Variants in RYR3 observed in about 807,000 individuals in gnomAD.
RYR3 encodes ryanodine receptor 3.
RYR3 carries 207 observed loss-of-function variants against 584.3 expected under a neutral mutation model. The observed-to-expected ratio is 0.35, with a 90% CI of 0.32 to 0.40. The LOEUF is 0.40. Among genes scored for constraint, RYR3 ranks in the 10% least tolerant of loss-of-function variants. The probability of loss-of-function intolerance (pLI) is 1.00; values close to 1 mark genes in which losing one functional copy is unlikely to be tolerated. For missense variants in RYR3, 5,616 were observed against 6,089.2 expected, an observed-to-expected ratio of 0.92 and a Z score of 2.59; for synonymous variants, 2,416 against 2,248.5, an observed-to-expected ratio of 1.07 and a Z score of -2.11.
At chr15:33,576,718 G>A (rs1190179373) in intron 12 of RYR3, among the ~76,000 whole-genome samples, 1 of 152,202 alleles carries the variant, frequency 6.6e-6, no homozygotes, top group Non-Finnish European at 1.5e-5. Context: ...AGACAAGGAT[G>A]TCCTTTCTCA....
intron 60 of RYR3, among the ~76,000 whole-genome samples, chr15:33,763,892 C>CAAAAAAAAAAAAAAAA (rs796878162): frequency 2.2e-5 from 1 of 45,870 alleles, no homozygotes; most frequent in African/African-American, 9.0e-5. Flanking sequence ...GACTTCATCT[C>CAAAAAAAAAAAAAAAA]AAAAAAAAAA....
rs980204714 is a variant in RYR3, at chr15:33,455,503, G to A, written c.52-17916G>A. On this transcript the variant is annotated intron_variant, in intron 1 of 103. Coordinates refer to ENST00000634891, the MANE Select transcript of RYR3 (RefSeq NM_001036.6). Reference sequence around the variant, plus strand: ...GAAGCTTTTCAGGAGAGGAGTACGTGCCTTAAAGGCCAAAAGAAAAGATGG... The same window carrying A: ...GAAGCTTTTCAGGAGAGGAGTACGTACCTTAAAGGCCAAAAGAAAAGATGG... 7.0e-5 allele frequency among the ~76,000 whole-genome samples: 10 copies of A among 143,206 alleles called. No homozygotes were observed. In the Admixed American group the frequency reaches 7.4e-4, roughly 11 times the overall value. The allele number at this position is 143,206 out of a possible 152,430, so 93.9% of individuals were successfully genotyped here.
chr15:33,865,717 C>CAGTT lies in RYR3; in HGVS notation c.*493_*496dup. 6.5e-6 allele frequency: 1 copy of CAGTT among 153,856 alleles called. No homozygotes were observed. Among genetic ancestry groups the CAGTT allele is most frequent in the South Asian group, 2.1e-4 (1 of 4,878 alleles). The allele number at this position is 153,856 out of a possible 1,614,324, so 9.5% of individuals were successfully genotyped here. ...TGACTGTATCCAGAAAAGCTTTAAG[C>CAGTT]AGTTAAAGAAACAGAAAAAAACCGA... On this transcript the variant is annotated 3_prime_UTR_variant, in exon 104 of 104. Transcript: ENST00000634891.
At chr15:33,752,519 T>C (rs780923969) in intron 57 of RYR3, among the ~76,000 whole-genome samples, 3 of 152,234 alleles carry the variant, frequency 2.0e-5, no homozygotes, top group Non-Finnish European at 4.4e-5. Context: ...ACTCGTGATT[T>C]GGCTCTCTGT....
intron 18 of RYR3, among the ~76,000 whole-genome samples, chr15:33,606,956 A>G (rs2059938906): frequency 6.6e-6 from 1 of 152,122 alleles, no homozygotes; most frequent in Non-Finnish European, 1.5e-5. Context: ...CCTCAAGATA[A>G]TTTACCTCTG....
chr15:33,840,515 T>C (rs1472273590), intron 89 of RYR3: 3 of 370,476 alleles, frequency 8.1e-6, no homozygotes, highest in Non-Finnish European at 9.7e-6. Flanking sequence ...GTCCCATGTC[T>C]TTCTGACCCT....
At chr15:33,555,410 A>C (rs1322965446) in intron 10 of RYR3, among the ~76,000 whole-genome samples, 4 of 152,222 alleles carry the variant, frequency 2.6e-5, no homozygotes, top group African/African-American at 4.8e-5. Context: ...ATGCCTGAAG[A>C]CAACATCACT....
chr15:33,660,298 C>T lies in RYR3; in HGVS notation c.4497C>T (p.Leu1499=), dbSNP rs1285547162. Residue 1499 remains leucine, a synonymous_variant, in exon 34 of 104, where the codon CTC becomes CTT. Transcript: ENST00000634891. ...ACGTCCAAACCATCCAGCCCGTGCT[C>T]TGGAGCCGCATGCCCAACAGCTTCC... ...RLDVQTIQPV[L]WSRMPNSFLK... 3.2e-6 allele frequency: 5 copies of T among 1,572,846 alleles called. No individual in the cohort carries two copies. The Admixed American group carries it at 9.3e-5, about 29-fold the overall frequency.
Position 33,662,256 on chromosome 15 carries a change from G to C in RYR3, c.4726G>C (p.Val1576Leu), listed in dbSNP as rs756696001. 1 of 1,610,000 alleles carries C rather than the reference G, an allele frequency of 6.2e-7. No homozygotes were observed. Among genetic ancestry groups the C allele is most frequent in the East Asian group, 2.2e-5 (1 of 44,766 alleles). Residue 1576 changes from valine to leucine, a missense_variant, in exon 35 of 104, where the codon GTG becomes CTG. Transcript: ENST00000634891. ...GGTGTGCGCCCTGGGAAACAGCCGC[G>C]TGGCCTACGCCCTGTGCAGCCACGT... ...SAVCALGNSRVAYALCSHVDL... is the reference protein window; with the variant it reads ...SAVCALGNSRLAYALCSHVDL...
At chr15:33,702,949 G>A (rs2066415347) in intron 42 of RYR3, among the ~76,000 whole-genome samples, 1 of 152,084 alleles carries the variant, frequency 6.6e-6, no homozygotes, top group Non-Finnish European at 1.5e-5. Context: ...GCTCAAAGAA[G>A]ACAGGGTGAG....
chr15:33,864,349 C>T (rs1257276486), intron 103 of RYR3, among the ~76,000 whole-genome samples, 160 bp downstream of exon 103: 1 of 152,198 alleles, frequency 6.6e-6, no homozygotes, highest in African/African-American at 2.4e-5. Flanking sequence ...CCAAAGTCCT[C>T]CTGTTTATCC....
chr15:33,528,029 G>C (rs2054539927), intron 3 of RYR3, among the ~76,000 whole-genome samples: 1 of 152,148 alleles, frequency 6.6e-6, no homozygotes, highest in Non-Finnish European at 1.5e-5. Context: ...AAGATTTCTG[G>C]TCTGCTCACC....
At chr15:33,827,392 T>C in intron 85 of RYR3, 105 bp downstream of exon 85, 1 of 1,017,964 alleles carries the variant, frequency 9.8e-7, no homozygotes. Flanking sequence ...CAAGCCCCTA[T>C]AAGGAAGGCG....
Position 33,572,655 on chromosome 15 carries a change from A to AAC in RYR3, c.1268+5856_1268+5857insAC, listed in dbSNP as rs1249936651. 1.6e-3 allele frequency among the ~76,000 whole-genome samples: 211 copies of AAC among 129,690 alleles called. 13 individuals carry two copies. Among genetic ancestry groups the AAC allele is most frequent in the East Asian group, 0.015 (73 of 4,756 alleles). 85.1% of individuals were successfully genotyped at this position (129,690 alleles called of 152,430 possible). ...CATTAAATTAAAAAAAAAAAACTAT[A>AAC]TATACACACACACACACACACACAC... On this transcript the variant is annotated intron_variant, in intron 12 of 103. Coordinates refer to ENST00000634891, the MANE Select transcript of RYR3 (RefSeq NM_001036.6).
chr15:33,643,836 A>C (rs2061959125), intron 27 of RYR3, among the ~76,000 whole-genome samples: 1 of 152,226 alleles, frequency 6.6e-6, no homozygotes, highest in Non-Finnish European at 1.5e-5. Context: ...GCAGCAAGAT[A>C]ACATATTCAT....
At chr15:33,492,906 T>C (rs2051095229) in intron 2 of RYR3, among the ~76,000 whole-genome samples, 1 of 152,188 alleles carries the variant, frequency 6.6e-6, no homozygotes, top group Non-Finnish European at 1.5e-5. Flanking sequence ...TCTCCCATCC[T>C]GCAGCTGCTG....
At position 33,580,077 on chromosome 15, in the gene RYR3, T is replaced by C; in HGVS notation, c.1370T>C (p.Met457Thr). 6.2e-7 allele frequency: 1 copy of C among 1,613,624 alleles called. No individual in the cohort carries two copies. Among genetic ancestry groups the C allele is most frequent in the Non-Finnish European group, 8.5e-7 (1 of 1,179,740 alleles). Residue 457 changes from methionine (M) to threonine (T), a missense_variant, in exon 13 of 104, where the codon ATG becomes ACG. By Grantham distance (81) the Met-to-Thr change is moderately conservative. Coordinates refer to ENST00000634891, the MANE Select transcript of RYR3 (RefSeq NM_001036.6). ...TACTTCCAGCCCCCAGAGGAGGAGA[T>C]GCGACATGAAGACAAGCAGAACAAG... ...IAYFQPPEEE[M>T]RHEDKQNKLR...
intron 1 of RYR3, among the ~76,000 whole-genome samples, chr15:33,438,836 C>A (rs113751259): frequency 0.011 from 1,609 of 152,262 alleles, 24 homozygotes; most frequent in Admixed American, 0.027. Flanking sequence ...TTATTATTTA[C>A]ATCACAAAAA....
intron 10 of RYR3, among the ~76,000 whole-genome samples, chr15:33,559,715 A>T (rs955704652): frequency 2.0e-5 from 3 of 152,216 alleles, no homozygotes; most frequent in African/African-American, 7.2e-5. Context: ...ATTAGATTGC[A>T]TATCAAAGGC....
Sources: gnomAD v4.1 joint callset for allele counts (sites outside exome capture counted in the v4.1 genomes callset) on GRCh38, gnomAD v4.1.1 for gene constraint, MANE v1.5 for transcripts, NCBI Gene and HGNC (gene_info 2026-07-23, HGNC 2026-07-21) for gene names.